The following ALG9 variants were observed in gnomAD, a reference collection of about 807,000 sequenced individuals.
ALG9 encodes the protein alpha-1,2-mannosyltransferase ALG9.
Under a neutral mutation model 81.8 loss-of-function variants are expected in ALG9, and 55 were observed. The observed-to-expected ratio is 0.67, with a 90% confidence interval of 0.54 to 0.84. The LOEUF (loss-of-function observed/expected upper bound fraction) is 0.84, where lower values mean the gene tolerates loss of function less well. Among genes scored for constraint, ALG9 ranks in the 40% least tolerant of loss-of-function variants. ALG9 has a pLI of 0.00. For missense variants in ALG9, 629 were observed against 745.0 expected (o/e 0.84, Z 1.81); for synonymous variants, 278 against 274.3 (o/e 1.01, Z -0.13).
intron 9 of ALG9, among the ~76,000 whole-genome samples, chr11:111,842,941 T>C (rs1263425335): frequency 6.6e-6 from 1 of 151,806 alleles, no homozygotes; most frequent in Non-Finnish European, 1.5e-5. Context: ...CAAGCATAAA[T>C]AATTATTATT....
rs189377408 is a variant in ALG9, at chr11:111,796,951, C to T, written c.1734-10431G>A. Among the ~76,000 whole-genome samples, 22 of 152,328 alleles carry T rather than the reference C, an allele frequency of 1.4e-4. No homozygotes were observed. The East Asian group carries it at 4.0e-3, about 28-fold the overall frequency. On this transcript the variant is annotated intron_variant, in intron 14 of 14. Coordinates refer to ENST00000616540, the MANE Select transcript of ALG9 (RefSeq NM_024740.2). Reference sequence around the variant, plus strand: ...ACCAAATTCTGCCATCGGGTGGAGTCTCTCCTTCCATCTGGGTAATAAGAA... The same window carrying T: ...ACCAAATTCTGCCATCGGGTGGAGTTTCTCCTTCCATCTGGGTAATAAGAA...
intron 14 of ALG9, among the ~76,000 whole-genome samples, chr11:111,798,666 A>C (rs1948657387): frequency 6.6e-6 from 1 of 152,230 alleles, no homozygotes. Flanking sequence ...TCTGGTCTAA[A>C]AAGTGATATT....
chr11:111,844,862 C>T, intron 8 of ALG9, 139 bp from the exon 9 acceptor site: 1 of 923,716 alleles, frequency 1.1e-6, no homozygotes, highest in Non-Finnish European at 1.7e-6. Context: ...GCCCACTCTT[C>T]CCATGCTAAG....
At chr11:111,768,827 T>TCGTGTGTGTGTG in the ALG9 span, 1 of 97,360 alleles carries the variant, frequency 1.0e-5, no homozygotes, top group Non-Finnish European at 2.0e-5. Context: ...ACATCCAGCT[T>TCGTGTGTGTGTG]CGTGTGTGTG....
At chr11:111,786,554 C>A in intron 14 of ALG9, 34 bp from the exon 15 acceptor site, 1 of 1,611,112 alleles carries the variant, frequency 6.2e-7, no homozygotes, top group South Asian at 1.1e-5. Context: ...AGAATTTTAT[C>A]ACTTGGGAGA....
At chr11:111,849,055 TTC>T (rs1449104038) in intron 8 of ALG9, among the ~76,000 whole-genome samples, 2 of 151,480 alleles carry the variant, frequency 1.3e-5, no homozygotes, top group Non-Finnish European at 2.9e-5. Context: ...CTTTCTTTCT[TTC>T]TTTTTTTTTT....
At chr11:111,828,942 T>C (rs1451595658) in intron 13 of ALG9, 1 of 152,194 alleles carries the variant, frequency 6.6e-6, no homozygotes, top group Non-Finnish European at 1.5e-5. Context: ...TGGATCATGT[T>C]ATATATATTG....
intron 14 of ALG9, among the ~76,000 whole-genome samples, chr11:111,805,747 C>A (rs1555084534): frequency 6.6e-6 from 1 of 152,152 alleles, no homozygotes; most frequent in Non-Finnish European, 1.5e-5. Context: ...ACATTATATG[C>A]CATAGAACTG....
At chr11:111,789,978 G>GA (rs1233475977) in intron 14 of ALG9, among the ~76,000 whole-genome samples, 4 of 149,746 alleles carry the variant, frequency 2.7e-5, no homozygotes, top group Admixed American at 6.7e-5. Flanking sequence ...TCAGGAGTTG[G>GA]AAAAAAAAAT....
chr11:111,826,676 A>C (rs1263550414), intron 13 of ALG9, among the ~76,000 whole-genome samples: 2 of 152,142 alleles, frequency 1.3e-5, no homozygotes, highest in Non-Finnish European at 2.9e-5. Flanking sequence ...TACTTGATAT[A>C]TCTTGGTATG....
intron 14 of ALG9, among the ~76,000 whole-genome samples, chr11:111,795,101 C>T (rs1948057594): frequency 6.6e-6 from 1 of 152,140 alleles, no homozygotes; most frequent in Non-Finnish European, 1.5e-5. Flanking sequence ...TATACTCCAC[C>T]AGTCCCTTGA....
chr11:111,768,880 G>C, the ALG9 span: 2 of 139,302 alleles, frequency 1.4e-5, no homozygotes, highest in East Asian at 3.9e-4. Context: ...TGGAGACAGA[G>C]TCTCACCATG....
chr11:111,871,149 G>A, intron 1 of ALG9: 1 of 1,274,846 alleles, frequency 7.8e-7, no homozygotes. Context: ...GTTTTACAGC[G>A]CAGTGGAGGG....
Position 111,782,400 on chromosome 11 carries a change from T to A in ALG9, c.*3997A>T, listed in dbSNP as rs1946015663. 6.6e-6 allele frequency: 1 copy of A among 152,578 alleles called. No homozygotes were observed. The highest frequency in any genetic ancestry group is 6.5e-5 in the Admixed American group (1 of 15,276). The allele number at this position is 152,578 out of a possible 1,614,324, so 9.5% of individuals were successfully genotyped here. ...ACTGGCAGAAGGCAACATTCAGATT[T>A]ACAGATACACCAGAAAGCCTCTGAA... On this transcript the variant is annotated 3_prime_UTR_variant, in exon 15 of 15. Transcript: ENST00000616540.
At chr11:111,853,777 T>C (rs782781094) in intron 6 of ALG9, 41 bp from the exon 7 acceptor site, 20 of 1,519,902 alleles carry the variant, frequency 1.3e-5, no homozygotes, top group South Asian at 6.7e-5. Context: ...AAATAAATAC[T>C]GACAGAGACA....
Position 111,799,436 on chromosome 11 carries a change from C to T in ALG9, c.1733+10207G>A, listed in dbSNP as rs533230230. Among the ~76,000 whole-genome samples, 801 of 149,444 alleles carry T rather than the reference C, an allele frequency of 5.4e-3. 9 individuals are homozygous for T. Among genetic ancestry groups the T allele is most frequent in the Non-Finnish European group, 4.8e-3 (328 of 67,712 alleles). On this transcript the variant is annotated intron_variant, in intron 14 of 14. Coordinates refer to ENST00000616540, the MANE Select transcript of ALG9 (RefSeq NM_024740.2). ...GATTACAGGCATGAGCCACCGTGCCCGGCTGATTCCTTTTTTTTTTTTTTT... is the reference window on the plus strand; with the variant it reads ...GATTACAGGCATGAGCCACCGTGCCTGGCTGATTCCTTTTTTTTTTTTTTT...
intron 14 of ALG9, among the ~76,000 whole-genome samples, chr11:111,793,555 A>T (rs1168276881): frequency 2.0e-5 from 3 of 152,102 alleles, no homozygotes; most frequent in African/African-American, 4.8e-5. Context: ...AGGTCAGGAG[A>T]GCAAGACCAT....
intron 14 of ALG9, among the ~76,000 whole-genome samples, chr11:111,803,720 T>C (rs140099281): frequency 6.6e-6 from 1 of 152,196 alleles, no homozygotes; most frequent in Non-Finnish European, 1.5e-5. Context: ...AAAACAGTCT[T>C]TTCAACAAAC....
chr11:111,828,800 T>G (rs2136691318), intron 13 of ALG9: 1 of 152,294 alleles, frequency 6.6e-6, no homozygotes, highest in East Asian at 1.9e-4. Flanking sequence ...ATGATGAAAT[T>G]AAAACATTAT....
Sources: gnomAD v4.1 joint callset for allele counts (sites outside exome capture counted in the v4.1 genomes callset) on GRCh38, gnomAD v4.1.1 for gene constraint, MANE v1.5 for transcripts, NCBI Gene and HGNC (gene_info 2026-07-23, HGNC 2026-07-21) for gene names.